Variants in TECTA observed in about 807,000 individuals in gnomAD.
TECTA encodes the protein alpha-tectorin.
A neutral mutation model predicts 216.8 loss-of-function variants in TECTA; 128 were observed. The observed-to-expected ratio is 0.59, with a 90% CI of 0.51 to 0.68. TECTA has a LOEUF of 0.68. TECTA is among the 30% of genes least tolerant of loss of function. TECTA has a pLI of 0.00. For missense variants in TECTA, 2,551 were observed against 2,786.2 expected (o/e 0.92, Z 1.90); for synonymous variants, 1,089 against 1,117.1 (o/e 0.97, Z 0.50).
intron 14 of TECTA, among the ~76,000 whole-genome samples, chr11:121,158,857 C>T (rs568713973): frequency 1.8e-4 from 27 of 152,310 alleles, no homozygotes; most frequent in African/African-American, 6.3e-4. Flanking sequence ...ACCCCCCACC[C>T]ATCCTCACAA....
At chr11:121,129,576 C>G (rs1395661614) in intron 9 of TECTA, 62 bp from the exon 10 acceptor site, 3 of 1,553,828 alleles carry the variant, frequency 1.9e-6, no homozygotes, top group Admixed American at 3.3e-5. Flanking sequence ...TATCCCACAG[C>G]CTAGGAAATG....
At chr11:121,155,872 G>A (rs1169298292) in intron 13 of TECTA, among the ~76,000 whole-genome samples, 1 of 152,156 alleles carries the variant, frequency 6.6e-6, no homozygotes, top group Admixed American at 6.5e-5. Context: ...ACCAAGCAGA[G>A]TCGTGCCTGC....
In TECTA at chr11:121,127,882, G is replaced by C. The variant is rs775145892; in HGVS notation, c.1905G>C (p.Gln635His). The C allele has an allele frequency of 1.2e-6, 2 of 1,614,078 alleles. No individual in the cohort carries two copies. Among genetic ancestry groups the C allele is most frequent in the African/African-American group, 2.7e-5 (2 of 75,066 alleles). Residue 635 changes from glutamine to histidine, a missense_variant, in exon 9 of 24, where the codon CAG (glutamine) becomes CAC (histidine). Coordinates refer to ENST00000392793, the MANE Select transcript of TECTA (RefSeq NM_005422.4). This position sits in a 1 kb window ranked among gnomAD's most constrained non-coding sequence, Gnocchi z 5.0. Reference sequence around the variant, plus strand: ...GCACAGAGGGCTGCGAGTGCAACCAGGGCTTCGTCCTCAGCACCAGCCAGT... The same window carrying C: ...GCACAGAGGGCTGCGAGTGCAACCACGGCTTCGTCCTCAGCACCAGCCAGT... Reference protein sequence around the residue: ...TPCTEGCECNQGFVLSTSQCV... With the variant: ...TPCTEGCECNHGFVLSTSQCV...
chr11:121,185,136 G>C (rs1204704927), intron 20 of TECTA, among the ~76,000 whole-genome samples: 3 of 152,236 alleles, frequency 2.0e-5, no homozygotes, highest in Non-Finnish European at 4.4e-5. Flanking sequence ...CCCAGTGTCT[G>C]TCTGAATAAA....
intron 17 of TECTA, among the ~76,000 whole-genome samples, chr11:121,166,307 TG>T (rs1485151124): frequency 6.6e-6 from 1 of 152,136 alleles, no homozygotes. Context: ...ACCAGCAAGG[TG>T]GGGGAAGACC....
In TECTA at chr11:121,113,434, T is replaced by G. The variant is rs1339165512; in HGVS notation, c.625-119T>G. The G allele has an allele frequency of 2.7e-6, 4 of 1,497,618 alleles. No homozygotes were observed. Among genetic ancestry groups the G allele is most frequent in the Non-Finnish European group, 3.7e-6 (4 of 1,078,876 alleles). The allele number at this position is 1,497,618 out of a possible 1,614,324, so 92.8% of individuals were successfully genotyped here. A position where few individuals can be genotyped will look rare whatever the true frequency, so the allele number is the denominator to read the frequency against. ...CACCTAGAATGCTGGCCCCAGTGAC[T>G]CCAGGAAAAGACGGCTCTTGATTTT... On this transcript the variant is annotated intron_variant, in intron 5 of 23. Coordinates refer to ENST00000392793, the MANE Select transcript of TECTA (RefSeq NM_005422.4). This position sits in a 1 kb window ranked among gnomAD's most constrained non-coding sequence, Gnocchi z 4.2.
At chr11:121,108,344 A>T (rs1158823413) in intron 3 of TECTA, among the ~76,000 whole-genome samples, 1 of 149,484 alleles carries the variant, frequency 6.7e-6, no homozygotes, top group African/African-American at 2.5e-5. Context: ...ACATACACAC[A>T]CACCACCCTC....
intron 20 of TECTA, among the ~76,000 whole-genome samples, chr11:121,179,295 G>A (rs1409237217): frequency 6.6e-6 from 1 of 151,956 alleles, no homozygotes; most frequent in East Asian, 1.9e-4. Flanking sequence ...TTGACCCAGT[G>A]CTTGTTCAGG....
At chr11:121,135,122 C>G (rs555635862) in intron 10 of TECTA, among the ~76,000 whole-genome samples, 1 of 152,154 alleles carries the variant, frequency 6.6e-6, no homozygotes, top group Non-Finnish European at 1.5e-5. Flanking sequence ...TTCGTCAGGC[C>G]GCCGAGCACT....
chr11:121,153,671 G>A (rs748514022), intron 13 of TECTA, among the ~76,000 whole-genome samples: 1 of 152,120 alleles, frequency 6.6e-6, no homozygotes, highest in Non-Finnish European at 1.5e-5. Context: ...CACCCTCTGC[G>A]GCGCCCTCTA....
intron 20 of TECTA, among the ~76,000 whole-genome samples, chr11:121,175,244 G>T (rs1055381413): frequency 4.0e-5 from 6 of 151,460 alleles, no homozygotes; most frequent in African/African-American, 2.4e-5. Flanking sequence ...GCTTTTGAAT[G>T]TGTTTGCTCT....
At chr11:121,138,530 G>T (rs898682608) in intron 11 of TECTA, among the ~76,000 whole-genome samples, 4 of 152,084 alleles carry the variant, frequency 2.6e-5, no homozygotes, top group African/African-American at 9.7e-5. Flanking sequence ...GTCCCTTTTG[G>T]CTCCCAAGGG....
At chr11:121,131,934 A>G (rs954969943) in intron 10 of TECTA, among the ~76,000 whole-genome samples, 1 of 152,222 alleles carries the variant, frequency 6.6e-6, no homozygotes, top group Non-Finnish European at 1.5e-5. Context: ...TACACTGAGC[A>G]TGATAGATTC....
chr11:121,125,907 C>T (rs1565522295), intron 8 of TECTA, 35 bp downstream of exon 8: 1 of 1,598,074 alleles, frequency 6.3e-7, no homozygotes, highest in East Asian at 2.2e-5. Context: ...ACAGGTCTCT[C>T]TTGTGCAGGG....
At chr11:121,174,309 A>C (rs1565537808) in intron 20 of TECTA, among the ~76,000 whole-genome samples, 1 of 151,086 alleles carries the variant, frequency 6.6e-6, no homozygotes, top group Non-Finnish European at 1.5e-5. Context: ...CCCATTCAGT[A>C]TGATATTGGC....
rs769087586 is a variant in TECTA at position 121,145,661 on chromosome 11, T to A, written c.3650T>A (p.Val1217Asp). 1.9e-6 allele frequency: 3 copies of A among 1,614,092 alleles called. No individual in the cohort carries two copies. The highest frequency in any genetic ancestry group is 2.5e-6 in the Non-Finnish European group (3 of 1,180,044). ...GTGGAAACTGATTTTGGCCTGAAGGTTGTATATGACTGGAAGACCTTCCTG... is the reference window on the plus strand; with the variant it reads ...GTGGAAACTGATTTTGGCCTGAAGGATGTATATGACTGGAAGACCTTCCTG... ...VVVETDFGLK[V>D]VYDWKTFLSI... Residue 1217 changes from valine (V) to aspartate (D), a missense_variant, in exon 12 of 24, where the codon GTT becomes GAT. This residue lies in a region of TECTA where 2,375 missense variants were observed against 2,563.9 expected (regional missense o/e 0.93). Transcript: ENST00000392793.
At position 121,158,201 on chromosome 11, in the gene TECTA, A is replaced by T; in HGVS notation, c.4666A>T (p.Ile1556Phe). The T allele has an allele frequency of 6.2e-7, 1 of 1,613,536 alleles. No individual in the cohort carries two copies. The highest frequency in any genetic ancestry group is 1.1e-5 in the South Asian group (1 of 91,078). ...CTACATTAACGAAGAGCAGATTCTC[A>T]TCAACGACCGGAACACGGTCAAGGT... Reference protein sequence around the residue: ...YFYINEEQILINDRNTVKVNG... With the variant: ...YFYINEEQILFNDRNTVKVNG... The change falls in exon 14 of 24, where the codon ATC (isoleucine) becomes TTC (phenylalanine). Residue 1556 changes from isoleucine (I) to phenylalanine (F), a missense_variant. Physicochemically the swap from Ile to Phe is conservative, Grantham distance 21. Around this residue, in one of 3 missense-constraint regions of TECTA, gnomAD observed 2,375 missense variants for 2,563.9 expected, o/e 0.93. Transcript: ENST00000392793.
chr11:121,190,753 A>G lies in TECTA; in HGVS notation c.6415A>G (p.Met2139Val). ...TCAAGTCTGGACGCTTCTTCTCATCATGATCCAGATTTCATTATGGCATTT... is the reference window on the plus strand; with the variant it reads ...TCAAGTCTGGACGCTTCTTCTCATCGTGATCCAGATTTCATTATGGCATTT... ...ELQVWTLLLI[M>V]IQISLWHFVY... Residue 2139 changes from methionine (M) to valine (V), a missense_variant, in exon 24 of 24, where the codon ATG (methionine) becomes GTG (valine). Around this residue, in one of 3 missense-constraint regions of TECTA, gnomAD observed 118 missense variants for 116.4 expected, o/e 1.01. Coordinates refer to ENST00000392793, the MANE Select transcript of TECTA (RefSeq NM_005422.4). The G allele has an allele frequency of 1.9e-6, 3 of 1,613,970 alleles. No individual in the cohort carries two copies. The highest frequency in any genetic ancestry group is 1.3e-5 in the African/African-American group (1 of 75,030).
Position 121,162,323 on chromosome 11 carries a change from G to A in TECTA, c.5225G>A (p.Arg1742His), listed in dbSNP as rs549133840. The A allele has an allele frequency of 3.6e-5, 58 of 1,613,628 alleles. 1 individual carries two copies. In the South Asian group the frequency reaches 4.6e-4, roughly 13 times the overall value. The change falls in exon 16 of 24, where the codon CGC (arginine) becomes CAC (histidine). Residue 1742 changes from arginine (R) to histidine (H), a missense_variant. Around this residue, in one of 3 missense-constraint regions of TECTA, gnomAD observed 2,375 missense variants for 2,563.9 expected, o/e 0.93. Transcript: ENST00000392793. ...CTGGCCGCCTACGGGGAGGCCTGCC[G>A]CTCCTTCGGGATCCTTAGCACCGAG... is the stretch of plus-strand genomic sequence containing the variant. Reference protein sequence around the residue: ...GSLAAYGEACRSFGILSTEWI... With the variant: ...GSLAAYGEACHSFGILSTEWI...
Sources: gnomAD v4.1 joint callset for allele counts (sites outside exome capture counted in the v4.1 genomes callset) on GRCh38, gnomAD v4.1.1 for gene constraint, gnomAD v4.1.1 regional missense constraint, Gnocchi (gnomAD v3.1) non-coding constraint, MANE v1.5 for transcripts, NCBI Gene and HGNC (gene_info 2026-07-23, HGNC 2026-07-21) for gene names.